The following FGGY variants were observed in gnomAD, a reference collection of about 807,000 sequenced individuals.
The protein encoded by FGGY is FGGY carbohydrate kinase domain-containing protein.
Under a neutral mutation model 71.3 loss-of-function variants are expected in FGGY, and 72 were observed. The observed-to-expected ratio is 1.01, with a 90% CI of 0.84 to 1.23. The LOEUF is 1.23. Ranked by LOEUF, FGGY falls within the 50% of genes most tolerant of loss-of-function variation. The pLI is 0.00. For synonymous variants in FGGY, 251 were observed against 250.3 expected (o/e 1.00, Z -0.02); for missense variants, 668 against 682.3 (o/e 0.98, Z 0.23).
At chr1:59,640,294 A>C (rs2097008623) in intron 11 of FGGY, among the ~76,000 whole-genome samples, 1 of 152,172 alleles carries the variant, frequency 6.6e-6, no homozygotes, top group South Asian at 2.1e-4. Flanking sequence ...CTTCACCCCA[A>C]ATCTCCTTCC....
intron 6 of FGGY, among the ~76,000 whole-genome samples, chr1:59,466,802 T>G (rs2092659054): frequency 6.6e-6 from 1 of 152,100 alleles, no homozygotes; most frequent in Admixed American, 6.5e-5. Flanking sequence ...AAAACCACAA[T>G]GAGATACCAT....
intron 7 of FGGY, among the ~76,000 whole-genome samples, chr1:59,553,535 C>A (rs965200412): frequency 1.3e-5 from 2 of 152,226 alleles, no homozygotes; most frequent in Non-Finnish European, 2.9e-5. Flanking sequence ...CAGTCATTCT[C>A]TCCTTCACAA....
chr1:59,456,898 C>T, intron 5 of FGGY, 63 bp from the exon 6 acceptor site: 1 of 1,241,492 alleles, frequency 8.1e-7, no homozygotes, highest in Non-Finnish European at 1.2e-6. Context: ...GGGTATTTTG[C>T]AAAATATAAA....
At chr1:59,392,659 G>T (rs921815204) in intron 5 of FGGY, among the ~76,000 whole-genome samples, 4 of 152,134 alleles carry the variant, frequency 2.6e-5, no homozygotes, top group Admixed American at 6.6e-5. Context: ...ATGTTAAAAT[G>T]CTGTACCCTT....
At chr1:59,718,601 C>T (rs989191563) in intron 14 of FGGY, among the ~76,000 whole-genome samples, 1 of 152,226 alleles carries the variant, frequency 6.6e-6, no homozygotes, top group Non-Finnish European at 1.5e-5. Context: ...GCATTAGCGA[C>T]TTGCCCTCTG....
chr1:59,648,926 A>G (rs999405690), intron 11 of FGGY, among the ~76,000 whole-genome samples: 22 of 151,750 alleles, frequency 1.4e-4, no homozygotes, highest in Admixed American at 1.4e-3. Flanking sequence ...TGATTTTTGT[A>G]TAAGGTGTAA....
At chr1:59,451,367 T>G (rs1033984366) in intron 5 of FGGY, among the ~76,000 whole-genome samples, 5 of 121,978 alleles carry the variant, frequency 4.1e-5, no homozygotes, top group African/African-American at 6.9e-5. Context: ...CTAAGTTTTT[T>G]TTGTTGTTGT....
rs80229003 is a variant in FGGY, at chr1:59,746,005, C to T, written c.1513-11926C>T. Among the ~76,000 whole-genome samples, 1,084 of 152,178 alleles carry T rather than the reference C, an allele frequency of 7.1e-3. 4 individuals are homozygous for T. Among genetic ancestry groups the T allele is most frequent in the Non-Finnish European group, 0.012 (818 of 68,006 alleles). On this transcript the variant is annotated intron_variant, in intron 14 of 15. Transcript: ENST00000303721. Reference sequence around the variant, plus strand: ...TGAAGTGAAATGGAGATGAAGGTCCCGGAGGTGGAAACATTTTGAAACCGT... The same window carrying T: ...TGAAGTGAAATGGAGATGAAGGTCCTGGAGGTGGAAACATTTTGAAACCGT...
intron 9 of FGGY, among the ~76,000 whole-genome samples, chr1:59,622,791 C>T (rs987467520): frequency 2.6e-5 from 4 of 152,122 alleles, no homozygotes; most frequent in African/African-American, 9.7e-5. Context: ...GACTGGGGTC[C>T]ACCCATGGGC....
At chr1:59,375,715 C>T (rs1040499609) in intron 4 of FGGY, among the ~76,000 whole-genome samples, 1 of 152,088 alleles carries the variant, frequency 6.6e-6, no homozygotes, top group Non-Finnish European at 1.5e-5. Flanking sequence ...AACGCAGGGA[C>T]TCCTTGCTCC....
At chr1:59,692,679 G>A (rs1239948402) in intron 14 of FGGY, among the ~76,000 whole-genome samples, 1 of 151,882 alleles carries the variant, frequency 6.6e-6, no homozygotes, top group Non-Finnish European at 1.5e-5. Context: ...CTGTAGAGTG[G>A]GAGGGAAAAA....
intron 5 of FGGY, among the ~76,000 whole-genome samples, chr1:59,421,586 C>G (rs1024107307): frequency 6.6e-6 from 1 of 151,688 alleles, no homozygotes; most frequent in Non-Finnish European, 1.5e-5. Context: ...CTTTCTCCCC[C>G]ACTGCCCCAG....
chr1:59,426,373 G>A (rs1017397884), intron 5 of FGGY, among the ~76,000 whole-genome samples: 1 of 152,148 alleles, frequency 6.6e-6, no homozygotes, highest in East Asian at 1.9e-4. Context: ...GGGTGGGAAG[G>A]GGAGTGAAGG....
intron 9 of FGGY, among the ~76,000 whole-genome samples, chr1:59,615,913 C>G (rs555276476): frequency 6.6e-6 from 1 of 152,250 alleles, no homozygotes; most frequent in East Asian, 1.9e-4. Context: ...TCATCACTGG[C>G]CATCAGAGAA....
chr1:59,718,322 G>C (rs1306007565), intron 14 of FGGY, among the ~76,000 whole-genome samples: 1 of 152,160 alleles, frequency 6.6e-6, no homozygotes, highest in Non-Finnish European at 1.5e-5. Flanking sequence ...TATTATGATA[G>C]ATATAAGGCT....
At chr1:59,324,372 G>A (rs983757271) in intron 2 of FGGY, among the ~76,000 whole-genome samples, 2 of 142,358 alleles carry the variant, frequency 1.4e-5, no homozygotes, top group African/African-American at 2.6e-5. Flanking sequence ...CGCCTCCCGG[G>A]TTCACGCCAT....
At chr1:59,312,806 G>T (rs2044618210) in intron 1 of FGGY, among the ~76,000 whole-genome samples, 1 of 152,180 alleles carries the variant, frequency 6.6e-6, no homozygotes, top group Admixed American at 6.5e-5. Context: ...ATTCAAGATG[G>T]TTCACCATCC....
chr1:59,720,563 C>A (rs1239748831), intron 14 of FGGY, among the ~76,000 whole-genome samples: 2 of 152,138 alleles, frequency 1.3e-5, no homozygotes, highest in Non-Finnish European at 2.9e-5. Context: ...TGGCCTCAAG[C>A]CTTCATTTCA....
intron 14 of FGGY, among the ~76,000 whole-genome samples, chr1:59,743,341 C>A (rs916809073): frequency 2.0e-5 from 3 of 152,322 alleles, no homozygotes; most frequent in Admixed American, 2.0e-4. Context: ...ACCGATGTTT[C>A]TCCAGCAGGC....
Sources: allele counts gnomAD v4.1 joint callset (sites outside exome capture counted in the v4.1 genomes callset), GRCh38; gene constraint gnomAD v4.1.1; transcripts MANE v1.5; gene names NCBI Gene and HGNC (gene_info 2026-07-23, HGNC 2026-07-21).